MTR: variants seen among roughly 807,000 people sequenced by gnomAD.
The protein encoded by MTR is 5-methyltetrahydrofolate-homocysteine methyltransferase.
MTR carries 84 observed loss-of-function variants against 154.8 expected under a neutral mutation model. The ratio of observed to expected loss-of-function variants is 0.54; its 90% CI spans 0.45 to 0.65. The LOEUF is 0.65. MTR is among the 30% of genes least tolerant of loss of function. The probability of loss-of-function intolerance (pLI) is 0.00; values close to 1 mark genes in which losing one functional copy is unlikely to be tolerated. For synonymous variants in MTR, 554 were observed against 553.9 expected (o/e 1.00, Z 0.00); for missense variants, 1,275 against 1,570.2 (o/e 0.81, Z 3.18).
chr1:236,903,139 AAAT>A lies in MTR; in HGVS notation c.*5498_*5500del, dbSNP rs528347933. The A allele has an allele frequency of 7.7e-4, 117 of 152,102 alleles. 2 individuals are homozygous for A. Among genetic ancestry groups the A allele is most frequent in the African/African-American group, 2.8e-3 (115 of 41,362 alleles). 9.4% of individuals were successfully genotyped at this position (152,102 alleles called of 1,614,324 possible). A position where few individuals can be genotyped will look rare whatever the true frequency, so the allele number is the denominator to read the frequency against. On this transcript the variant is annotated 3_prime_UTR_variant, in exon 33 of 33. Transcript: ENST00000366577. ...GAGACCTCATCTCTTAAAAAATAAA[AAAT>A]AAAAAGTCTAAGAGGATACACAGAA...
chr1:236,859,917 G>A lies in MTR; in HGVS notation c.2038G>A (p.Val680Met). The A allele has an allele frequency of 6.2e-7, 1 of 1,613,708 alleles. No individual in the cohort carries two copies. Residue 680 changes from valine (V) to methionine (M), a missense_variant, in exon 19 of 33, where the codon GTG (valine) becomes ATG (methionine). Val to Met is a conservative substitution (Grantham distance 21, BLOSUM62 1). Coordinates refer to ENST00000366577, the MANE Select transcript of MTR (RefSeq NM_000254.3). Reference sequence around the variant, plus strand: ...CGAAGAACGCCTTGAGTATGCCCTTGTGAAGGTAAGTTACAGGGGCCTGAA... The same window carrying A: ...CGAAGAACGCCTTGAGTATGCCCTTATGAAGGTAAGTTACAGGGGCCTGAA... ...PVEERLEYAL[V>M]KGIEKHIIED...
intron 15 of MTR, among the ~76,000 whole-genome samples, chr1:236,844,931 A>T (rs1663483577): frequency 6.6e-6 from 1 of 152,198 alleles, no homozygotes. Context: ...CCTGGACTTC[A>T]GCCCTTGAGT....
At chr1:236,824,998 C>T (rs555713267) in intron 9 of MTR, among the ~76,000 whole-genome samples, 1 of 152,150 alleles carries the variant, frequency 6.6e-6, no homozygotes, top group African/African-American at 2.4e-5. Context: ...TTCCTTCCAC[C>T]CCCACCCCCA....
chr1:236,882,600 C>T (rs903376346), intron 25 of MTR, among the ~76,000 whole-genome samples: 3 of 152,090 alleles, frequency 2.0e-5, no homozygotes, highest in East Asian at 1.9e-4. Flanking sequence ...ACCATGTTGG[C>T]CAGGCTGGTC....
Position 236,897,773 on chromosome 1 carries a change from G to A in MTR, c.*129G>A, listed in dbSNP as rs1666748627. 7 of 819,660 alleles carry A rather than the reference G, an allele frequency of 8.5e-6. No homozygotes were observed. The highest frequency in any genetic ancestry group is 3.0e-5 in the South Asian group (2 of 66,748). The allele number at this position is 819,660 out of a possible 1,614,324, so 50.8% of individuals were successfully genotyped here. A position where few individuals can be genotyped will look rare whatever the true frequency, so the allele number is the denominator to read the frequency against. On this transcript the variant is annotated 3_prime_UTR_variant, in exon 33 of 33. Coordinates refer to ENST00000366577, the MANE Select transcript of MTR (RefSeq NM_000254.3). The stretch of plus-strand genomic sequence containing the variant: ...TGACACTTACCTGCTTCTGGTTTTC[G>A]AAGACTATTTAGTGGAACCTTGTAG...
intron 24 of MTR, among the ~76,000 whole-genome samples, chr1:236,877,537 G>C (rs965207978): frequency 1.3e-5 from 2 of 151,964 alleles, no homozygotes; most frequent in East Asian, 1.9e-4. Flanking sequence ...GGCTTCTTTT[G>C]CCCCACATCA....
intron 29 of MTR, among the ~76,000 whole-genome samples, chr1:236,894,090 G>A (rs1277035214): frequency 6.6e-6 from 1 of 152,050 alleles, no homozygotes; most frequent in Non-Finnish European, 1.5e-5. Context: ...CAGTGAACTG[G>A]TGTCTTGACA....
rs75949532 is a variant in MTR, at chr1:236,824,037, A to G, written c.765-82A>G. 1.4e-3 allele frequency: 1,625 copies of G among 1,179,348 alleles called. 7 individuals carry two copies. The African/African-American group carries it at 0.021, about 16-fold the overall frequency. 73.1% of individuals were successfully genotyped at this position (1,179,348 alleles called of 1,614,324 possible). ...AGATTTATTATCCACTTGGTTTTAG[A>G]TATATTGTCTCCATATATAACTTAT... On this transcript the variant is annotated intron_variant, in intron 8 of 32. Coordinates refer to ENST00000366577, the MANE Select transcript of MTR (RefSeq NM_000254.3).
chr1:236,821,624 A>G (rs1183993779), intron 8 of MTR, among the ~76,000 whole-genome samples: 3 of 152,134 alleles, frequency 2.0e-5, no homozygotes, highest in Admixed American at 6.5e-5. Flanking sequence ...TGTTTTACCT[A>G]AAAACTCATT....
In MTR at chr1:236,815,580, C is replaced by T. The variant is rs185170290; in HGVS notation, c.610-24C>T. On this transcript the variant is annotated intron_variant, in intron 6 of 32. Transcript: ENST00000366577. ...TTGGACACACTCTCAGAAATAAAGA[C>T]GTTCTTTCTTTTTTCCCTGACAGGC... is the stretch of plus-strand genomic sequence containing the variant. The T allele has an allele frequency of 1.2e-4, 186 of 1,612,548 alleles. 1 individual carries two copies. In the East Asian group the frequency reaches 1.5e-3, roughly 13 times the overall value.
chr1:236,898,164 T>C lies in MTR; in HGVS notation c.*520T>C, dbSNP rs1666766046. 1.3e-5 allele frequency: 2 copies of C among 157,482 alleles called. No homozygotes were observed. Among genetic ancestry groups the C allele is most frequent in the African/African-American group, 4.8e-5 (2 of 41,392 alleles). The allele number at this position is 157,482 out of a possible 1,614,324, so 9.8% of individuals were successfully genotyped here. ...CTCTGTTCTCTTCGGAAGACCTCGT[T>C]TTCTAAAGGCTGGACTAAATGGCTG... is the stretch of plus-strand genomic sequence containing the variant. On this transcript the variant is annotated 3_prime_UTR_variant, in exon 33 of 33. Coordinates refer to ENST00000366577, the MANE Select transcript of MTR (RefSeq NM_000254.3).
intron 8 of MTR, chr1:236,819,980 C>T (rs751464962): frequency 8.7e-7 from 1 of 1,143,014 alleles, no homozygotes; most frequent in South Asian, 1.2e-5. Context: ...TCCAGGCAGC[C>T]TTCCGGGAGC....
At chr1:236,864,288 A>T (rs1008073360) in intron 22 of MTR, among the ~76,000 whole-genome samples, 3 of 152,190 alleles carry the variant, frequency 2.0e-5, no homozygotes, top group Non-Finnish European at 2.9e-5. Context: ...TTCTCTAGAT[A>T]GAGAAGAAAA....
intron 8 of MTR, among the ~76,000 whole-genome samples, chr1:236,822,548 G>A (rs1662028967): frequency 6.6e-6 from 1 of 152,078 alleles, no homozygotes; most frequent in South Asian, 2.1e-4. Flanking sequence ...GGGCTCAGGT[G>A]ATCCACCTGC....
chr1:236,803,502 A>G lies in MTR; in HGVS notation c.109A>G (p.Met37Val). ...QKRIMVLDGG[M>V]GTMIQREKLN... ...GAGGATTATGGTGCTGGATGGAGGG[A>G]TGGGGACCATGATCCAGCGGGAGAA... Residue 37 changes from methionine to valine, a missense_variant, in exon 2 of 33, where the codon ATG becomes GTG. Coordinates refer to ENST00000366577, the MANE Select transcript of MTR (RefSeq NM_000254.3). The G allele has an allele frequency of 1.2e-6, 2 of 1,614,154 alleles. No individual in the cohort carries two copies. Among genetic ancestry groups the G allele is most frequent in the South Asian group, 1.1e-5 (1 of 91,088 alleles).
intron 15 of MTR, 135 bp downstream of exon 15, chr1:236,838,734 A>C: frequency 1.1e-6 from 1 of 875,702 alleles, no homozygotes; most frequent in Non-Finnish European, 1.8e-6. Context: ...TCATGTACAT[A>C]TATGTACACG....
chr1:236,899,905 A>T lies in MTR; in HGVS notation c.*2261A>T, dbSNP rs1314816036. 4 of 156,302 alleles carry T rather than the reference A, an allele frequency of 2.6e-5. No individual in the cohort carries two copies. The highest frequency in any genetic ancestry group is 9.6e-5 in the African/African-American group (4 of 41,586). 9.7% of individuals were successfully genotyped at this position (156,302 alleles called of 1,614,324 possible). On this transcript the variant is annotated 3_prime_UTR_variant, in exon 33 of 33. Transcript: ENST00000366577. ...TGAGATTCCATTTTATATCCATAAG[A>T]TTTGCAAAGGTTGGGTCTGACAGTA...
chr1:236,894,211 G>T (rs1443494485), intron 29 of MTR, 146 bp from the exon 30 acceptor site: 2 of 727,052 alleles, frequency 2.8e-6, no homozygotes, highest in South Asian at 1.5e-5. Context: ...AAGTACTGGG[G>T]ATGTAACAGT....
Position 236,803,496 on chromosome 1 carries a change from G to A in MTR, c.103G>A (p.Gly35Arg). 6.2e-7 allele frequency: 1 copy of A among 1,614,190 alleles called. No individual in the cohort carries two copies. The highest frequency in any genetic ancestry group is 8.5e-7 in the Non-Finnish European group (1 of 1,180,016). ...ILQKRIMVLD[G>R]GMGTMIQREK... is the part of the protein sequence containing the mutation. ...GCAGAAGAGGATTATGGTGCTGGAT[G>A]GAGGGATGGGGACCATGATCCAGCG... Residue 35 changes from glycine to arginine, a missense_variant, in exon 2 of 33, where the codon GGA (glycine) becomes AGA (arginine). Physicochemically the swap from Gly to Arg is moderately radical, Grantham distance 125. Transcript: ENST00000366577.
Sources: allele counts gnomAD v4.1 joint callset (sites outside exome capture counted in the v4.1 genomes callset), GRCh38; gene constraint gnomAD v4.1.1; transcripts MANE v1.5; gene names NCBI Gene and HGNC (gene_info 2026-07-23, HGNC 2026-07-21).